PPP2R2D: variants seen among roughly 807,000 people sequenced by gnomAD.
PPP2R2D encodes protein phosphatase 2 regulatory subunit Bdelta.
PPP2R2D carries 9 observed loss-of-function variants against 31.1 expected under a neutral mutation model. That is an observed-to-expected ratio of 0.29 (90% confidence interval 0.17 to 0.51). The LOEUF is 0.51. PPP2R2D is among the 20% of genes least tolerant of loss of function. PPP2R2D has a pLI of 0.98. For missense variants in PPP2R2D, 391 were observed against 465.6 expected (o/e 0.84, Z 1.48); for synonymous variants, 179 against 172.6 (o/e 1.04, Z -0.29).
chr10:131,955,754 C>T lies in PPP2R2D; in HGVS notation c.1153C>T (p.Leu385=). ...TAGAGACACGCGGAGGGATGTGACC[C>T]TGGAGGCCTCGAGAGAGAGCAGCAA... The part of the protein sequence containing the change: ...FDRDTRRDVT[L]EASRESSKPR... Residue 385 remains leucine (L), a synonymous_variant, in exon 9 of 9, where the codon CTG becomes TTG. Coordinates refer to ENST00000455566, the MANE Select transcript of PPP2R2D (RefSeq NM_018461.5). 6.4e-7 allele frequency: 1 copy of T among 1,571,242 alleles called. No individual in the cohort carries two copies. The highest frequency in any genetic ancestry group is 1.2e-5 in the South Asian group (1 of 85,286).
chr10:131,962,478 T>C (rs2036938520), downstream of PPP2R2D, among the ~76,000 whole-genome samples: 1 of 152,246 alleles, frequency 6.6e-6, no homozygotes, highest in Non-Finnish European at 1.5e-5. Flanking sequence ...GAAATGCTTC[T>C]GATAGTAATA....
At chr10:131,951,532 G>GT (rs1434421145) in intron 8 of PPP2R2D, among the ~76,000 whole-genome samples, 2 of 152,164 alleles carry the variant, frequency 1.3e-5, no homozygotes, top group African/African-American at 4.8e-5. Flanking sequence ...TTAAGAATCT[G>GT]TAACTATTGG....
chr10:131,945,735 G>C lies in PPP2R2D; in HGVS notation c.820+276G>C. Reference sequence around the variant, plus strand: ...CAAAGTGCTGGGATTACAGGTGTGAGTCACCGCACCTGGTCACGCCTGGCG... The same window carrying C: ...CAAAGTGCTGGGATTACAGGTGTGACTCACCGCACCTGGTCACGCCTGGCG... On this transcript the variant is annotated intron_variant, in intron 7 of 8. Coordinates refer to ENST00000455566, the MANE Select transcript of PPP2R2D (RefSeq NM_018461.5). The surrounding 1 kb of genome is among the most constrained non-coding windows in gnomAD (Gnocchi z 4.8). 2 of 377,858 alleles carry C rather than the reference G, an allele frequency of 5.3e-6. No individual in the cohort carries two copies. The highest frequency in any genetic ancestry group is 9.2e-5 in the South Asian group (2 of 21,854). The allele number at this position is 377,858 out of a possible 1,614,324, so 23.4% of individuals were successfully genotyped here.
chr10:131,963,731 A>G (rs1221447840), downstream of PPP2R2D, among the ~76,000 whole-genome samples: 2 of 151,984 alleles, frequency 1.3e-5, no homozygotes, highest in Non-Finnish European at 2.9e-5. Context: ...TTTCTTTTTT[A>G]GTAAAAAGGT....
At position 131,923,671 on chromosome 10, in the gene PPP2R2D, T is replaced by C. The variant is rs538624595; in HGVS notation, c.101-10787T>C. ...CTGGTGGTTTTGATTTGTATTTCCC[T>C]AGTGATTAATGGTGTTGAGCATTTC... On this transcript the variant is annotated intron_variant, in intron 2 of 8. Transcript: ENST00000455566. 1.8e-3 allele frequency among the ~76,000 whole-genome samples: 281 copies of C among 152,328 alleles called. 4 individuals are homozygous for C. Among genetic ancestry groups the C allele is most frequent in the Non-Finnish European group, 2.8e-3 (189 of 68,020 alleles).
chr10:131,901,485 G>C (rs2035494875), intron 2 of PPP2R2D, among the ~76,000 whole-genome samples, 155 bp downstream of exon 2: 1 of 151,834 alleles, frequency 6.6e-6, no homozygotes, highest in African/African-American at 2.4e-5. Context: ...GGCCGTGATC[G>C]GGGGGCGGCC....
At chr10:131,950,650 C>T (rs535579073) in intron 8 of PPP2R2D, among the ~76,000 whole-genome samples, 2 of 152,164 alleles carry the variant, frequency 1.3e-5, no homozygotes, top group Non-Finnish European at 2.9e-5. Flanking sequence ...GTAAAGGGAG[C>T]CTGGCCCTGC....
intron 2 of PPP2R2D, among the ~76,000 whole-genome samples, chr10:131,907,413 C>T (rs934198603): frequency 6.6e-6 from 1 of 152,170 alleles, no homozygotes; most frequent in Non-Finnish European, 1.5e-5. Context: ...TCATAGGAAG[C>T]CTCTGCCTTT....
downstream of PPP2R2D, among the ~76,000 whole-genome samples, chr10:131,962,984 GA>G (rs1340397683): frequency 3.9e-5 from 6 of 152,190 alleles, no homozygotes; most frequent in Admixed American, 2.6e-4. Flanking sequence ...CCATCATAGT[GA>G]AACCCCGTCT....
At chr10:131,963,319 TAAA>T (rs1304858689), downstream of PPP2R2D, among the ~76,000 whole-genome samples, 3 of 152,234 alleles carry the variant, frequency 2.0e-5, no homozygotes, top group African/African-American at 4.8e-5. Flanking sequence ...TGTTTTTTCT[TAAA>T]GAAGCTGTGA....
rs1205537970 is a variant in PPP2R2D at position 131,958,230 on chromosome 10, C to T, written c.*2267C>T. The stretch of plus-strand genomic sequence containing the variant: ...GCCCCTGTGGAGATAGAGGTGTGTA[C>T]TGATCCCCTGTTCCCCTATCTAGAT... On this transcript the variant is annotated 3_prime_UTR_variant, in exon 9 of 9. Transcript: ENST00000455566. 20 of 197,000 alleles carry T rather than the reference C, an allele frequency of 1.0e-4. No individual in the cohort carries two copies. The highest frequency in any genetic ancestry group is 2.9e-4 in the South Asian group (4 of 13,998). The allele number at this position is 197,000 out of a possible 1,614,324, so 12.2% of individuals were successfully genotyped here.
At position 131,924,135 on chromosome 10, in the gene PPP2R2D, GGT is replaced by G. The variant is rs1355724881; in HGVS notation, c.101-10320_101-10319del. Among the ~76,000 whole-genome samples the G allele has an allele frequency of 4.7e-4, 72 of 152,230 alleles. 2 individuals carry two copies. The highest frequency in any genetic ancestry group is 1.6e-3 in the African/African-American group (65 of 41,532). On this transcript the variant is annotated intron_variant, in intron 2 of 8. Coordinates refer to ENST00000455566, the MANE Select transcript of PPP2R2D (RefSeq NM_018461.5). ...TGAGTTGTGTTTTCAGTCTCTTGAT[GGT>G]GTCCTTAGATGCACAAGAATTTTTA... is the stretch of plus-strand genomic sequence containing the variant.
At chr10:131,933,466 G>A (rs1477699324) in intron 2 of PPP2R2D, among the ~76,000 whole-genome samples, 3 of 152,136 alleles carry the variant, frequency 2.0e-5, no homozygotes, top group Non-Finnish European at 2.9e-5. Flanking sequence ...GCAGGGAGGC[G>A]AGCTTGTAGT....
chr10:131,966,640 T>C, the PPP2R2D span: 1 of 152,146 alleles, frequency 6.6e-6, no homozygotes, highest in African/African-American at 2.4e-5. Flanking sequence ...AGCCTTGAAC[T>C]CCTGGGCTCA....
chr10:131,944,184 G>A (rs1023550007), intron 6 of PPP2R2D, 39 bp downstream of exon 6: 6 of 1,541,464 alleles, frequency 3.9e-6, no homozygotes, highest in Non-Finnish European at 5.3e-6. Context: ...CTTCCCGAGG[G>A]TGCTCTTTAG....
chr10:131,918,688 C>T (rs1455712579), intron 2 of PPP2R2D, among the ~76,000 whole-genome samples: 1 of 147,434 alleles, frequency 6.8e-6, no homozygotes, highest in African/African-American at 2.5e-5. Flanking sequence ...GTGTAGGGAC[C>T]TCACGCGGGT....
At chr10:131,970,194 G>C in the PPP2R2D span, 1 of 172,718 alleles carries the variant, frequency 5.8e-6, no homozygotes, top group African/African-American at 2.4e-5. The surrounding 1 kb of genome is among the most constrained non-coding windows in gnomAD (Gnocchi z 4.1). Context: ...GTCGGAGACT[G>C]CATTGGTTCC....
rs1443314806 is a variant in PPP2R2D, at chr10:131,955,897, C to T, written c.1296C>T (p.Pro432=). ...AGATCCTGCACACAGCCTGGCACCC[C>T]GTGGACAATGTCATTGCCGTGGCTG... is the stretch of plus-strand genomic sequence containing the variant. ...NKKILHTAWH[P]VDNVIAVAAT... is the part of the protein sequence containing the mutation. The change falls in exon 9 of 9, where the codon CCC becomes CCT. Residue 432 remains proline, a synonymous_variant. Coordinates refer to ENST00000455566, the MANE Select transcript of PPP2R2D (RefSeq NM_018461.5). 6 of 1,597,324 alleles carry T rather than the reference C, an allele frequency of 3.8e-6. No individual in the cohort carries two copies. The highest frequency in any genetic ancestry group is 2.3e-5 in the East Asian group (1 of 43,518).
intron 3 of PPP2R2D, among the ~76,000 whole-genome samples, chr10:131,936,074 A>G (rs1554896445): frequency 1.3e-5 from 2 of 152,140 alleles, no homozygotes. Context: ...AAAAAAAAAA[A>G]GAACCATACA....
Sources: allele counts gnomAD v4.1 joint callset (sites outside exome capture counted in the v4.1 genomes callset), GRCh38; gene constraint gnomAD v4.1.1; non-coding constraint Gnocchi (gnomAD v3.1); transcripts MANE v1.5; gene names NCBI Gene and HGNC (gene_info 2026-07-23, HGNC 2026-07-21).